PRKN: variants seen among roughly 807,000 people sequenced by gnomAD.
PRKN encodes the protein E3 ubiquitin-protein ligase parkin.
Under a neutral mutation model 59.5 loss-of-function variants are expected in PRKN, and 56 were observed. The observed-to-expected ratio is 0.94, with a 90% CI of 0.76 to 1.18. PRKN has a LOEUF of 1.18. Among genes scored for constraint, PRKN ranks in the 50% most tolerant of loss-of-function variants. PRKN has a pLI of 0.00. For synonymous variants in PRKN, 250 were observed against 222.1 expected (o/e 1.13, Z -1.12); for missense variants, 657 against 596.4 (o/e 1.10, Z -1.06).
rs1026751725 is a variant in PRKN, at chr6:161,348,373, T to A, written c.*1726A>T. 3 of 219,260 alleles carry A rather than the reference T, an allele frequency of 1.4e-5. No homozygotes were observed. Among genetic ancestry groups the A allele is most frequent in the Non-Finnish European group, 2.7e-5 (3 of 109,324 alleles). 13.6% of individuals were successfully genotyped at this position (219,260 alleles called of 1,614,324 possible). A position where few individuals can be genotyped will look rare whatever the true frequency, so the allele number is the denominator to read the frequency against. Reference sequence around the variant, plus strand: ...ATCTGTCCACCATTTCTATGTGAGCTTTGGGCTTCCTGTCACAGGTCTGTT... The same window carrying A: ...ATCTGTCCACCATTTCTATGTGAGCATTGGGCTTCCTGTCACAGGTCTGTT... On this transcript the variant is annotated 3_prime_UTR_variant, in exon 12 of 12. Coordinates refer to ENST00000366898, the MANE Select transcript of PRKN (RefSeq NM_004562.3). This position sits in a 1 kb window ranked among gnomAD's most constrained non-coding sequence, Gnocchi z 4.9.
rs1554259154 is a variant in PRKN, at chr6:162,000,845, A to ATT, written c.619-27430_619-27429dup. Among the ~76,000 whole-genome samples the ATT allele has an allele frequency of 1.1e-4, 6 of 56,876 alleles. No individual in the cohort carries two copies. The East Asian group carries it at 2.6e-3, about 25-fold the overall frequency. The allele number at this position is 56,876 out of a possible 152,430, so 37.3% of individuals were successfully genotyped here. On this transcript the variant is annotated intron_variant, in intron 5 of 11. Transcript: ENST00000366898. ...TAAGGAGTACAAGATCTGTTTCCAG[A>ATT]TTTTTTTGTTTTTGCATGTTTGCAT...
At chr6:162,711,982 T>C (rs1217730791) in intron 1 of PRKN, among the ~76,000 whole-genome samples, 1 of 152,186 alleles carries the variant, frequency 6.6e-6, no homozygotes, top group Admixed American at 6.5e-5. Context: ...GCAGAGAGAC[T>C]GGATGAAGTC....
Position 162,348,607 on chromosome 6 carries a change from T to C in PRKN, c.172-85842A>G, listed in dbSNP as rs61085696. Among the ~76,000 whole-genome samples, 1,254 of 152,294 alleles carry C rather than the reference T, an allele frequency of 8.2e-3. 21 individuals are homozygous for C. The highest frequency in any genetic ancestry group is 0.026 in the African/African-American group (1,070 of 41,566). On this transcript the variant is annotated intron_variant, in intron 2 of 11. Coordinates refer to ENST00000366898, the MANE Select transcript of PRKN (RefSeq NM_004562.3). Reference sequence around the variant, plus strand: ...AACAGGGATGGACAAATTTTTTCTGTAAAGTGTCAGACAATAAATATTGTC... The same window carrying C: ...AACAGGGATGGACAAATTTTTTCTGCAAAGTGTCAGACAATAAATATTGTC...
chr6:162,583,269 T>G (rs1780860011), intron 1 of PRKN, among the ~76,000 whole-genome samples: 1 of 152,218 alleles, frequency 6.6e-6, no homozygotes, highest in Admixed American at 6.5e-5. Flanking sequence ...TCTGTGATAT[T>G]CTGTTATAGC....
intron 4 of PRKN, among the ~76,000 whole-genome samples, chr6:162,172,241 G>A (rs1222788830): frequency 7.9e-5 from 12 of 152,190 alleles, no homozygotes; most frequent in Admixed American, 7.9e-4. Context: ...GCCCTGGCTA[G>A]CCAGTAGGCA....
intron 2 of PRKN, among the ~76,000 whole-genome samples, chr6:162,393,155 CTTTTTTTTTTT>C (rs1177332315): frequency 0.012 from 930 of 80,186 alleles, 77 homozygotes; most frequent in Admixed American, 0.019. Context: ...ATAGGAGATT[CTTTTTTTTTTT>C]TTTTTTTTTT....
At chr6:162,001,191 G>A (rs1782040721) in intron 5 of PRKN, among the ~76,000 whole-genome samples, 1 of 151,866 alleles carries the variant, frequency 6.6e-6, no homozygotes, top group South Asian at 2.1e-4. Context: ...TTAACATGCT[G>A]GACTTTTTAT....
intron 1 of PRKN, among the ~76,000 whole-genome samples, chr6:162,636,385 G>A (rs1344922234): frequency 3.9e-5 from 6 of 152,158 alleles, no homozygotes; most frequent in East Asian, 1.9e-4. Context: ...CAATGTGGGG[G>A]AGAAATAAAC....
chr6:162,251,907 T>G (rs2128096251), intron 3 of PRKN, among the ~76,000 whole-genome samples: 1 of 152,340 alleles, frequency 6.6e-6, no homozygotes, highest in East Asian at 1.9e-4. Context: ...GTTTTCCATT[T>G]TTTACTAATA....
At chr6:162,369,103 T>C (rs1440458201) in intron 2 of PRKN, among the ~76,000 whole-genome samples, 1 of 152,186 alleles carries the variant, frequency 6.6e-6, no homozygotes, top group Admixed American at 6.5e-5. Flanking sequence ...AGGTGACATA[T>C]AGTAAGTCAA....
chr6:161,415,177 A>G (rs1562432639), intron 9 of PRKN, among the ~76,000 whole-genome samples: 2 of 152,170 alleles, frequency 1.3e-5, no homozygotes, highest in Non-Finnish European at 2.9e-5. Context: ...TGGTGATCAC[A>G]TAATTGAGAC....
chr6:162,619,560 G>A (rs757305466), intron 1 of PRKN, among the ~76,000 whole-genome samples: 13 of 152,192 alleles, frequency 8.5e-5, no homozygotes, highest in Admixed American at 1.3e-4. Context: ...TAACACATGC[G>A]TATTGGTGCC....
At chr6:161,655,251 C>T (rs532431943) in intron 7 of PRKN, among the ~76,000 whole-genome samples, 11 of 146,274 alleles carry the variant, frequency 7.5e-5, no homozygotes, top group Admixed American at 6.7e-4. Context: ...CCTGGGCCCA[C>T]CCATGCTCTC....
intron 10 of PRKN, among the ~76,000 whole-genome samples, chr6:161,383,197 A>G (rs542655416): frequency 1.2e-4 from 19 of 152,330 alleles, no homozygotes; most frequent in African/African-American, 4.3e-4. Context: ...CTTGAGAGAA[A>G]TGTAGGGAAC....
At chr6:162,092,854 T>C (rs1468590262) in intron 4 of PRKN, among the ~76,000 whole-genome samples, 1 of 152,188 alleles carries the variant, frequency 6.6e-6, no homozygotes, top group Non-Finnish European at 1.5e-5. Context: ...AGACATATTA[T>C]GATGGAGCCT....
At chr6:162,428,232 G>A (rs1237183007) in intron 2 of PRKN, among the ~76,000 whole-genome samples, 1 of 152,140 alleles carries the variant, frequency 6.6e-6, no homozygotes. Flanking sequence ...AGTCACTAAT[G>A]TAATTTCCAT....
At chr6:162,195,712 C>T (rs1784464216) in intron 4 of PRKN, among the ~76,000 whole-genome samples, 1 of 152,062 alleles carries the variant, frequency 6.6e-6, no homozygotes, top group East Asian at 1.9e-4. Context: ...GGGGGTCACC[C>T]AAAGTTCTTG....
chr6:162,177,315 T>G (rs746417397), intron 4 of PRKN, among the ~76,000 whole-genome samples: 1 of 152,138 alleles, frequency 6.6e-6, no homozygotes, highest in Admixed American at 6.6e-5. Context: ...AAGAAAAAAC[T>G]TATTTCTATG....
At chr6:161,669,445 G>C (rs1784833278) in intron 7 of PRKN, among the ~76,000 whole-genome samples, 1 of 152,142 alleles carries the variant, frequency 6.6e-6, no homozygotes, top group Admixed American at 6.5e-5. Flanking sequence ...GGCTGGGCTT[G>C]GAACACCACC....
Sources: gnomAD v4.1 joint callset for allele counts (sites outside exome capture counted in the v4.1 genomes callset) on GRCh38, gnomAD v4.1.1 for gene constraint, Gnocchi (gnomAD v3.1) non-coding constraint, MANE v1.5 for transcripts, NCBI Gene and HGNC (gene_info 2026-07-23, HGNC 2026-07-21) for gene names.